Variants in PDIA5 observed in about 807,000 individuals in gnomAD.
PDIA5 encodes the protein protein disulfide isomerase family A member 5, also known as protein disulfide-isomerase A5.
In PDIA5, 58 loss-of-function variants were observed where a neutral mutation model predicts 77.6. The observed-to-expected ratio is 0.75, with a 90% CI of 0.61 to 0.93. PDIA5 has a LOEUF of 0.93. PDIA5 is among the 40% of genes least tolerant of loss of function. The pLI is 0.00. For synonymous variants in PDIA5, 250 were observed against 252.1 expected, an observed-to-expected ratio of 0.99 and a Z score of 0.08; for missense variants, 630 against 647.7, an observed-to-expected ratio of 0.97 and a Z score of 0.30.
At chr3:123,158,477 C>T (rs939891052) in intron 15 of PDIA5, among the ~76,000 whole-genome samples, 2 of 151,994 alleles carry the variant, frequency 1.3e-5, no homozygotes, top group African/African-American at 2.4e-5. Context: ...AAGTGAGACA[C>T]GAAAGGGGAG....
chr3:123,153,750 C>T (rs534485429), intron 14 of PDIA5, among the ~76,000 whole-genome samples: 1 of 152,354 alleles, frequency 6.6e-6, no homozygotes, highest in Non-Finnish European at 1.5e-5. Context: ...AAGACTGGCT[C>T]AAGGACTAAA....
chr3:123,138,696 C>A (rs1273303085), intron 11 of PDIA5, among the ~76,000 whole-genome samples: 2 of 152,140 alleles, frequency 1.3e-5, no homozygotes, highest in Non-Finnish European at 2.9e-5. Flanking sequence ...TCAAGGAGTC[C>A]ACTTTGGTGC....
intron 1 of PDIA5, among the ~76,000 whole-genome samples, chr3:123,084,422 T>C (rs896956807): frequency 2.6e-5 from 4 of 151,512 alleles, no homozygotes; most frequent in Non-Finnish European, 4.4e-5. Context: ...TTTAGAAGTG[T>C]CCCCTCCCTG....
chr3:123,099,437 G>A (rs982246897), intron 3 of PDIA5, among the ~76,000 whole-genome samples: 1 of 152,184 alleles, frequency 6.6e-6, no homozygotes, highest in Non-Finnish European at 1.5e-5. Context: ...TGCTCAGATG[G>A]GACAGGAAGC....
intron 1 of PDIA5, among the ~76,000 whole-genome samples, chr3:123,072,783 G>T (rs561723896): frequency 2.6e-5 from 4 of 152,188 alleles, no homozygotes; most frequent in Non-Finnish European, 5.9e-5. Context: ...TGTCTTGCTT[G>T]GTGGTTGTGG....
intron 8 of PDIA5, among the ~76,000 whole-genome samples, chr3:123,122,078 T>A (rs1295933187): frequency 6.6e-6 from 1 of 152,186 alleles, no homozygotes; most frequent in Non-Finnish European, 1.5e-5. Flanking sequence ...CCCTAACAGG[T>A]GTACAATGAA....
At chr3:123,101,906 C>CCTTTTTTTTTTTTT (rs1553798314) in intron 3 of PDIA5, among the ~76,000 whole-genome samples, 2 of 71,376 alleles carry the variant, frequency 2.8e-5, no homozygotes, top group Admixed American at 2.6e-4. Flanking sequence ...TTCTTTCTTG[C>CCTTTTTTTTTTTTT]TTTTTTTTTT....
intron 14 of PDIA5, among the ~76,000 whole-genome samples, chr3:123,152,214 A>G (rs1031404751): frequency 4.6e-5 from 7 of 151,954 alleles, no homozygotes; most frequent in Non-Finnish European, 8.8e-5. Context: ...CTACCCATCA[A>G]ATATCAGCTC....
In PDIA5 at chr3:123,138,693, G is replaced by A. The variant is rs116534130; in HGVS notation, c.911-6829G>A. 2.3e-3 allele frequency among the ~76,000 whole-genome samples: 351 copies of A among 152,320 alleles called. 1 individual carries two copies. The highest frequency in any genetic ancestry group is 7.9e-3 in the African/African-American group (330 of 41,558). On this transcript the variant is annotated intron_variant, in intron 11 of 16. Coordinates refer to ENST00000316218, the MANE Select transcript of PDIA5 (RefSeq NM_006810.4). Reference sequence around the variant, plus strand: ...CCAAGATGCCTGTAACTGTCAAGGAGTCCACTTTGGTGCTTATGCGTTTGG... The same window carrying A: ...CCAAGATGCCTGTAACTGTCAAGGAATCCACTTTGGTGCTTATGCGTTTGG...
intron 1 of PDIA5, among the ~76,000 whole-genome samples, chr3:123,077,665 A>G (rs9830012): frequency 0.13 from 20,291 of 152,012 alleles, 1,597 homozygotes; most frequent in Non-Finnish European, 0.18. Context: ...ACATTGGGAA[A>G]CATCGGTAGT....
At chr3:123,109,490 G>GAAATTATTTCAAACAAAATTTGTTTGA (rs1934814758) in intron 6 of PDIA5, among the ~76,000 whole-genome samples, 1 of 151,994 alleles carries the variant, frequency 6.6e-6, no homozygotes, top group Non-Finnish European at 1.5e-5. Context: ...ATTTTGTTTG[G>GAAATTATTTCAAACAAAATTTGTTTGA]AAATTATTTC....
intron 3 of PDIA5, among the ~76,000 whole-genome samples, chr3:123,095,129 C>T (rs1217992391): frequency 1.3e-5 from 2 of 152,246 alleles, no homozygotes; most frequent in African/African-American, 2.4e-5. Context: ...AAGTCGGTCA[C>T]TCTGACTCTG....
chr3:123,116,277 G>A lies in PDIA5; in HGVS notation c.588G>A (p.Ala196=), dbSNP rs147887401. The A allele has an allele frequency of 6.2e-6, 10 of 1,613,646 alleles. No individual in the cohort carries two copies. The East Asian group carries it at 6.7e-5, about 11-fold the overall frequency. Residue 196 remains alanine, a synonymous_variant, in exon 8 of 17, where the codon GCG becomes GCA. Coordinates refer to ENST00000316218, the MANE Select transcript of PDIA5 (RefSeq NM_006810.4). ...TGATGCCGCATTTCCAGAAGGCTGC[G>A]ACTCAGCTGCGAGGCCACGCCGTAA... ...KRMMPHFQKA[A]TQLRGHAVLA... is the part of the protein sequence containing the mutation.
chr3:123,152,174 T>C (rs898353656), intron 14 of PDIA5, among the ~76,000 whole-genome samples: 2 of 152,044 alleles, frequency 1.3e-5, no homozygotes, highest in East Asian at 3.9e-4. Context: ...CCTGCCTGCC[T>C]TCCCGCCTGC....
chr3:123,123,149 T>C (rs370980803), intron 8 of PDIA5, among the ~76,000 whole-genome samples: 1 of 152,172 alleles, frequency 6.6e-6, no homozygotes, highest in Non-Finnish European at 1.5e-5. Flanking sequence ...TACTGCCACA[T>C]GTCTGTGGTC....
Position 123,110,937 on chromosome 3 carries a change from G to C in PDIA5, c.481-7G>C. The C allele has an allele frequency of 6.2e-7, 1 of 1,612,594 alleles. No individual in the cohort carries two copies. ...CGAGCTGCTGGTATTCTCTTTTTGT[G>C]CCTCAGGACTTCAGACGGCTCCTGA... On this transcript the variant is annotated splice_polypyrimidine_tract_variant and splice_region_variant and intron_variant, in intron 6 of 16. Coordinates refer to ENST00000316218, the MANE Select transcript of PDIA5 (RefSeq NM_006810.4).
intron 14 of PDIA5, among the ~76,000 whole-genome samples, chr3:123,153,734 C>A (rs1935962134): frequency 6.6e-6 from 1 of 152,182 alleles, no homozygotes; most frequent in African/African-American, 2.4e-5. Context: ...TGGTCCTGCT[C>A]ATCTCAAGAC....
chr3:123,117,900 G>A (rs1021955283), intron 8 of PDIA5, among the ~76,000 whole-genome samples: 1 of 152,148 alleles, frequency 6.6e-6, no homozygotes. Context: ...ACAGCTGCCG[G>A]CTCCTCTAGG....
intron 5 of PDIA5, among the ~76,000 whole-genome samples, chr3:123,106,018 T>C (rs868303800): frequency 1.3e-5 from 2 of 152,212 alleles, no homozygotes; most frequent in African/African-American, 4.8e-5. Flanking sequence ...ATTTGAGTCA[T>C]TGTACACATA....
Sources: gnomAD v4.1 joint callset for allele counts (sites outside exome capture counted in the v4.1 genomes callset) on GRCh38, gnomAD v4.1.1 for gene constraint, MANE v1.5 for transcripts, NCBI Gene and HGNC (gene_info 2026-07-23, HGNC 2026-07-21) for gene names.